ASCC3: variants seen among roughly 807,000 people sequenced by gnomAD.
ASCC3 encodes ASC-1 complex subunit P200.
In ASCC3, 158 loss-of-function variants were observed where a neutral mutation model predicts 256.3. That is an observed-to-expected ratio of 0.62 (90% CI 0.54 to 0.70). The LOEUF (loss-of-function observed/expected upper bound fraction) is 0.70. Ranked by LOEUF, ASCC3 falls within the 30% of genes least tolerant of loss-of-function variation. The pLI is 0.00. For missense variants in ASCC3, 2,259 were observed against 2,626.0 expected (o/e 0.86, Z 3.05); for synonymous variants, 948 against 883.4 (o/e 1.07, Z -1.30).
At chr6:100,699,564 C>A (rs1778254418) in intron 13 of ASCC3, among the ~76,000 whole-genome samples, 1 of 151,522 alleles carries the variant, frequency 6.6e-6, no homozygotes, top group South Asian at 2.1e-4. Flanking sequence ...AAAAGATACT[C>A]AAAAATGTGC....
intron 13 of ASCC3, among the ~76,000 whole-genome samples, chr6:100,687,291 T>TA (rs1777621944): frequency 6.6e-6 from 1 of 152,060 alleles, no homozygotes; most frequent in Admixed American, 6.6e-5. Context: ...GAAACAGAAT[T>TA]AAAAAAACAA....
In ASCC3 at chr6:100,759,066, T is replaced by A. The variant is rs139700631; in HGVS notation, c.1737+7499A>T. On this transcript the variant is annotated intron_variant, in intron 10 of 41. Transcript: ENST00000369162. ...TTTTGAGAAGTGTCTGTTCATATCC[T>A]TTGCCCACTTTTTGATGGGGTTGTT... Among the ~76,000 whole-genome samples the A allele has an allele frequency of 0.013, 1,965 of 152,328 alleles. 100 individuals carry two copies. The East Asian group carries it at 0.15, about 12-fold the overall frequency.
chr6:100,873,308 C>G (rs1773840241), intron 1 of ASCC3, among the ~76,000 whole-genome samples: 1 of 151,980 alleles, frequency 6.6e-6, no homozygotes, highest in African/African-American at 2.4e-5. Context: ...TTCTAATTAA[C>G]CCAATCCAAC....
chr6:100,721,269 G>A (rs1405129267), intron 11 of ASCC3, among the ~76,000 whole-genome samples: 2 of 151,700 alleles, frequency 1.3e-5, no homozygotes, highest in African/African-American at 4.8e-5. Flanking sequence ...TATAGTTGAA[G>A]AAAGTCCTTA....
At chr6:100,554,488 C>A (rs1241910221) in intron 36 of ASCC3, among the ~76,000 whole-genome samples, 1 of 152,056 alleles carries the variant, frequency 6.6e-6, no homozygotes, top group Non-Finnish European at 1.5e-5. Flanking sequence ...GCAGCCTGCT[C>A]GATGTGAGAC....
chr6:100,783,911 G>T (rs1782566466), intron 8 of ASCC3, among the ~76,000 whole-genome samples: 1 of 151,580 alleles, frequency 6.6e-6, no homozygotes, highest in Admixed American at 6.6e-5. Context: ...AGCATCCAAA[G>T]AAAATTTATG....
At chr6:100,876,144 T>C (rs953061437) in intron 1 of ASCC3, among the ~76,000 whole-genome samples, 12 of 151,986 alleles carry the variant, frequency 7.9e-5, no homozygotes, top group African/African-American at 2.7e-4. Flanking sequence ...CTTGGATAGA[T>C]GAAGGAGTAC....
chr6:100,615,081 T>C (rs1412185142), intron 30 of ASCC3, among the ~76,000 whole-genome samples: 2 of 152,012 alleles, frequency 1.3e-5, no homozygotes, highest in Admixed American at 1.3e-4. Context: ...AGTGGCGTGA[T>C]TTTGGCTCAC....
intron 30 of ASCC3, among the ~76,000 whole-genome samples, chr6:100,608,113 TA>T: frequency 8.1e-6 from 1 of 123,258 alleles, no homozygotes; most frequent in East Asian, 2.3e-4. Context: ...TATATGTATA[TA>T]TATCTATATA....
At chr6:100,618,753 G>T (rs1582573437) in intron 30 of ASCC3, among the ~76,000 whole-genome samples, 1 of 152,188 alleles carries the variant, frequency 6.6e-6, no homozygotes, top group African/African-American at 2.4e-5. Flanking sequence ...TCACTGAGGA[G>T]ACACGTATTC....
At chr6:100,514,468 T>C (rs796378488) in intron 39 of ASCC3, among the ~76,000 whole-genome samples, 33 of 152,328 alleles carry the variant, frequency 2.2e-4, no homozygotes, top group African/African-American at 7.2e-4. Flanking sequence ...ACCAATATAA[T>C]GTTTTGTTAT....
At chr6:100,669,048 G>A (rs1223955298) in intron 14 of ASCC3, among the ~76,000 whole-genome samples, 1 of 151,354 alleles carries the variant, frequency 6.6e-6, no homozygotes, top group Admixed American at 6.6e-5. Context: ...TGTAGATAAA[G>A]TGTTTATTTA....
chr6:100,522,505 G>A (rs570116410), intron 37 of ASCC3, among the ~76,000 whole-genome samples: 114 of 152,146 alleles, frequency 7.5e-4, no homozygotes, highest in African/African-American at 2.5e-3. Context: ...GAGCTCTGGA[G>A]AAAGTGTATG....
At chr6:100,633,486 G>GA (rs1329077057) in intron 25 of ASCC3, among the ~76,000 whole-genome samples, 4 of 150,736 alleles carry the variant, frequency 2.7e-5, no homozygotes, top group Admixed American at 2.0e-4. Context: ...CTTAATAAAA[G>GA]AAAAAAAAAT....
intron 37 of ASCC3, among the ~76,000 whole-genome samples, chr6:100,538,717 C>T (rs1775290447): frequency 6.6e-6 from 1 of 151,966 alleles, no homozygotes; most frequent in African/African-American, 2.4e-5. Flanking sequence ...TTGTAGTGTT[C>T]TGATAACCTG....
chr6:100,876,145 G>A (rs569244309), intron 1 of ASCC3, among the ~76,000 whole-genome samples: 2 of 152,220 alleles, frequency 1.3e-5, no homozygotes, highest in East Asian at 3.9e-4. Context: ...TTGGATAGAT[G>A]AAGGAGTACG....
At position 100,684,513 on chromosome 6, in the gene ASCC3, T is replaced by C. The variant is rs115937762; in HGVS notation, c.2152-4761A>G. Among the ~76,000 whole-genome samples the C allele has an allele frequency of 2.6e-3, 395 of 152,326 alleles. 4 individuals are homozygous for C. The highest frequency in any genetic ancestry group is 9.1e-3 in the African/African-American group (380 of 41,570). On this transcript the variant is annotated intron_variant, in intron 13 of 41. Transcript: ENST00000369162. ...ATTGTCCAGAAACTTTGAGAACCTC[T>C]GTCATAGCTGGTAAGTATTAGCACC...
intron 4 of ASCC3, among the ~76,000 whole-genome samples, chr6:100,840,458 G>A (rs892373411): frequency 6.8e-6 from 1 of 148,112 alleles, no homozygotes; most frequent in African/African-American, 2.5e-5. Flanking sequence ...CTCCCAAGTA[G>A]CTGGGACTAT....
chr6:100,508,356 G>A lies in ASCC3; in HGVS notation c.*1030C>T, dbSNP rs1414532173. 6.6e-6 allele frequency: 1 copy of A among 152,032 alleles called. No homozygotes were observed. Among genetic ancestry groups the A allele is most frequent in the Non-Finnish European group, 1.5e-5 (1 of 67,992 alleles). 9.4% of individuals were successfully genotyped at this position (152,032 alleles called of 1,614,324 possible). A position where few individuals can be genotyped will look rare whatever the true frequency, so the allele number is the denominator to read the frequency against. On this transcript the variant is annotated 3_prime_UTR_variant, in exon 42 of 42. Coordinates refer to ENST00000369162, the MANE Select transcript of ASCC3 (RefSeq NM_006828.4). ...AAGAAAACTGAAATTATTTCACAAA[G>A]GTAGAATTTCATTCCACTAGAATGC...
Sources: gnomAD v4.1 joint callset for allele counts (sites outside exome capture counted in the v4.1 genomes callset) on GRCh38, gnomAD v4.1.1 for gene constraint, MANE v1.5 for transcripts, NCBI Gene and HGNC (gene_info 2026-07-23, HGNC 2026-07-21) for gene names.